STRIP1: variants seen among roughly 807,000 people sequenced by gnomAD.
STRIP1 encodes the protein striatin-interacting protein 1.
Under a neutral mutation model 106.2 loss-of-function variants are expected in STRIP1, and 63 were observed. The observed-to-expected ratio is 0.59, with a 90% CI of 0.48 to 0.73. The LOEUF is 0.73. Among genes scored for constraint, STRIP1 ranks in the 30% least tolerant of loss-of-function variants. The pLI is 0.00. For synonymous variants in STRIP1, 390 were observed against 413.0 expected (o/e 0.94, Z 0.67); for missense variants, 857 against 1,074.8 (o/e 0.80, Z 2.83).
chr1:110,051,675 C>A lies in STRIP1; in HGVS notation c.2062-8C>A. The A allele has an allele frequency of 6.3e-7, 1 of 1,593,984 alleles. No homozygotes were observed. The highest frequency in any genetic ancestry group is 8.5e-7 in the Non-Finnish European group (1 of 1,170,010). Reference sequence around the variant, plus strand: ...CAACTTGGGCTGCTTGCTTGTTTCCCTTCCCAGATGCTGGTGGTGTTCAAG... The same window carrying A: ...CAACTTGGGCTGCTTGCTTGTTTCCATTCCCAGATGCTGGTGGTGTTCAAG... On this transcript the variant is annotated splice_region_variant and splice_polypyrimidine_tract_variant and intron_variant, in intron 19 of 20. Transcript: ENST00000369795.
chr1:110,051,897 T>A lies in STRIP1; in HGVS notation c.2266+10T>A, dbSNP rs112658570. On this transcript the variant is annotated intron_variant, in intron 20 of 20. Coordinates refer to ENST00000369795, the MANE Select transcript of STRIP1 (RefSeq NM_033088.4). The stretch of plus-strand genomic sequence containing the variant: ...TGGGCATACGGCAATGGTGAGACTC[T>A]GCACTCAGCCAGATTTGGGTGGGAG... The A allele has an allele frequency of 1.2e-6, 2 of 1,609,704 alleles. No homozygotes were observed. The highest frequency in any genetic ancestry group is 1.7e-6 in the Non-Finnish European group (2 of 1,177,938).
Position 110,034,784 on chromosome 1 carries a change from C to G in STRIP1, c.147C>G (p.Arg49=), listed in dbSNP as rs1407380914. The G allele has an allele frequency of 1.4e-6, 2 of 1,424,730 alleles. No individual in the cohort carries two copies. Among genetic ancestry groups the G allele is most frequent in the Non-Finnish European group, 1.8e-6 (2 of 1,095,240 alleles). The allele number at this position is 1,424,730 out of a possible 1,614,324, so 88.3% of individuals were successfully genotyped here. The change falls in exon 1 of 21, where the codon CGC becomes CGG. Residue 49 remains arginine (R), a synonymous_variant. Transcript: ENST00000369795. ...AAGLLPGGKA[R]EFNRNQRKDS... ...GCCTCCTGCCTGGGGGCAAAGCCCG[C>G]GAGTTCAACCGCAACCAGCGCAAAG... is the stretch of plus-strand genomic sequence containing the variant.
At chr1:110,046,902 T>G in intron 13 of STRIP1, 151 bp downstream of exon 13, 5 of 510,540 alleles carry the variant, frequency 9.8e-6, no homozygotes, top group East Asian at 3.6e-5. Flanking sequence ...AAAAAAAAAT[T>G]AGCCAGCCGT....
At chr1:110,052,623 C>T (rs528672597) in intron 20 of STRIP1, among the ~76,000 whole-genome samples, 83 of 152,226 alleles carry the variant, frequency 5.5e-4, no homozygotes, top group African/African-American at 2.0e-3. Context: ...CTGCACGCCA[C>T]CATGTCCAGC....
intron 20 of STRIP1, among the ~76,000 whole-genome samples, chr1:110,052,344 A>G (rs1206291396): frequency 2.0e-5 from 3 of 152,126 alleles, no homozygotes; most frequent in Admixed American, 2.0e-4. Context: ...TCACCACAAC[A>G]TCTGCCTCCT....
chr1:110,034,684 A>G lies in STRIP1; in HGVS notation c.47A>G (p.Lys16Arg). The change falls in exon 1 of 21, where the codon AAA becomes AGA. Residue 16 changes from lysine (K) to arginine (R), a missense_variant. Coordinates refer to ENST00000369795, the MANE Select transcript of STRIP1 (RefSeq NM_033088.4). ...CCGGGCCCACTGATCGTGAACAACA[A>G]ACAGCCCCAGCCCCCGCCACCTCCG... ...GGPGPLIVNN[K>R]QPQPPPPPPP... 6.6e-7 allele frequency: 1 copy of G among 1,524,024 alleles called. No individual in the cohort carries two copies. The highest frequency in any genetic ancestry group is 8.8e-7 in the Non-Finnish European group (1 of 1,136,942). The allele number at this position is 1,524,024 out of a possible 1,614,324, so 94.4% of individuals were successfully genotyped here. A position where few individuals can be genotyped will look rare whatever the true frequency, so the allele number is the denominator to read the frequency against.
intron 1 of STRIP1, among the ~76,000 whole-genome samples, chr1:110,035,404 A>G (rs1161642388): frequency 6.6e-6 from 1 of 152,224 alleles, no homozygotes; most frequent in Non-Finnish European, 1.5e-5. Context: ...ATGGGTTAAC[A>G]GTACCTGTGG....
At chr1:110,044,988 C>T in intron 11 of STRIP1, 27 bp from the exon 12 acceptor site, 2 of 1,613,956 alleles carry the variant, frequency 1.2e-6, no homozygotes, top group Non-Finnish European at 8.5e-7. Flanking sequence ...TGTCGAGGCT[C>T]AACACAGGGC....
chr1:110,036,513 C>G (rs1353118602), intron 1 of STRIP1, among the ~76,000 whole-genome samples: 1 of 152,166 alleles, frequency 6.6e-6, no homozygotes, highest in Non-Finnish European at 1.5e-5. Flanking sequence ...CAAATGGACA[C>G]ATTTAAGCAG....
chr1:110,044,032 G>A (rs148595488), intron 10 of STRIP1, among the ~76,000 whole-genome samples, 176 bp downstream of exon 10: 170 of 152,346 alleles, frequency 1.1e-3, no homozygotes, highest in African/African-American at 3.8e-3. Flanking sequence ...CAGGGAGGCC[G>A]GCCTTGCTGG....
At chr1:110,040,582 A>T (rs780137623) in intron 5 of STRIP1, 53 bp from the exon 6 acceptor site, 12 of 1,542,642 alleles carry the variant, frequency 7.8e-6, no homozygotes, top group Admixed American at 3.7e-5. Context: ...TGTCAGGGAC[A>T]TCACTTATCT....
At chr1:110,053,245 G>A (rs1171731464) in intron 20 of STRIP1, among the ~76,000 whole-genome samples, 1 of 152,228 alleles carries the variant, frequency 6.6e-6, no homozygotes, top group Non-Finnish European at 1.5e-5. Context: ...ATACCACCAT[G>A]GCTGAATGAC....
chr1:110,047,663 G>T, intron 14 of STRIP1, 47 bp downstream of exon 14: 1 of 1,572,970 alleles, frequency 6.4e-7, no homozygotes, highest in Non-Finnish European at 8.7e-7. Flanking sequence ...TGGCCTTAGA[G>T]CAGGCCCTGC....
chr1:110,050,270 C>A, intron 17 of STRIP1, 73 bp from the exon 18 acceptor site: 1 of 1,481,732 alleles, frequency 6.7e-7, no homozygotes, highest in Non-Finnish European at 9.4e-7. Context: ...TGGGAGCTGG[C>A]TCAGGCACGG....
chr1:110,054,271 C>A lies in STRIP1; in HGVS notation c.*359C>A. Reference sequence around the variant, plus strand: ...CTGAATTTCAGGGGTCATGCTGATGCCTCTCGAGACATACAAATCCTTGCT... The same window carrying A: ...CTGAATTTCAGGGGTCATGCTGATGACTCTCGAGACATACAAATCCTTGCT... On this transcript the variant is annotated 3_prime_UTR_variant, in exon 21 of 21. Coordinates refer to ENST00000369795, the MANE Select transcript of STRIP1 (RefSeq NM_033088.4). 1 of 235,368 alleles carries A rather than the reference C, an allele frequency of 4.2e-6. No homozygotes were observed. 14.6% of individuals were successfully genotyped at this position (235,368 alleles called of 1,614,324 possible). A position where few individuals can be genotyped will look rare whatever the true frequency, so the allele number is the denominator to read the frequency against.
rs569296315 is a variant in STRIP1, at chr1:110,054,262, A to C, written c.*350A>C. On this transcript the variant is annotated 3_prime_UTR_variant, in exon 21 of 21. Transcript: ENST00000369795. ...GCCGTGCATCTGAATTTCAGGGGTCATGCTGATGCCTCTCGAGACATACAA... is the reference window on the plus strand; with the variant it reads ...GCCGTGCATCTGAATTTCAGGGGTCCTGCTGATGCCTCTCGAGACATACAA... The C allele has an allele frequency of 5.3e-4, 138 of 259,698 alleles. No homozygotes were observed. Among genetic ancestry groups the C allele is most frequent in the African/African-American group, 2.8e-3 (126 of 45,238 alleles). The allele number at this position is 259,698 out of a possible 1,614,324, so 16.1% of individuals were successfully genotyped here.
chr1:110,032,829 C>A (rs992351198), upstream of STRIP1, among the ~76,000 whole-genome samples: 1 of 152,214 alleles, frequency 6.6e-6, no homozygotes, highest in Non-Finnish European at 1.5e-5. Context: ...CTTATCCACT[C>A]TTGCAACTCT....
At chr1:110,038,987 C>T (rs1372593232) in intron 3 of STRIP1, 185 bp from the exon 4 acceptor site, 10 of 793,000 alleles carry the variant, frequency 1.3e-5, no homozygotes, top group Admixed American at 2.9e-5. Flanking sequence ...TAAAATTGCA[C>T]CCAAAATACC....
At chr1:110,043,499 C>T in intron 9 of STRIP1, 140 bp from the exon 10 acceptor site, 2 of 886,432 alleles carry the variant, frequency 2.3e-6, no homozygotes, top group Non-Finnish European at 3.6e-6. Flanking sequence ...ATGGTTTGGC[C>T]CCCGTCTTGA....
Sources: gnomAD v4.1 joint callset for allele counts (sites outside exome capture counted in the v4.1 genomes callset) on GRCh38, gnomAD v4.1.1 for gene constraint, MANE v1.5 for transcripts, NCBI Gene and HGNC (gene_info 2026-07-23, HGNC 2026-07-21) for gene names.